The following ESR1 variants were observed in gnomAD, a reference collection of about 807,000 sequenced individuals.
The protein encoded by ESR1 is estrogen receptor 1.
A neutral mutation model predicts 52.7 loss-of-function variants in ESR1; 12 were observed. That is an observed-to-expected ratio of 0.23 (90% CI 0.15 to 0.37). The LOEUF is 0.37. Ranked by LOEUF, ESR1 falls within the 10% of genes least tolerant of loss-of-function variation. The probability of loss-of-function intolerance (pLI) is 1.00; values close to 1 mark genes in which losing one functional copy is unlikely to be tolerated. For synonymous variants in ESR1, 305 were observed against 316.8 expected (o/e 0.96, Z 0.39); for missense variants, 584 against 779.7 (o/e 0.75, Z 2.99).
chr6:151,743,905 A>C (rs1783288852), intron 2 of ESR1, among the ~76,000 whole-genome samples: 2 of 151,906 alleles, frequency 1.3e-5, no homozygotes, highest in East Asian at 3.9e-4. Flanking sequence ...CCCTACCTTT[A>C]GTCACTTCCC....
At chr6:151,830,852 T>C (rs1782291255) in intron 1 of ESR1, among the ~76,000 whole-genome samples, 1 of 152,210 alleles carries the variant, frequency 6.6e-6, no homozygotes, top group East Asian at 1.9e-4. Flanking sequence ...TTTTGAATGG[T>C]GAATGCTAAT....
chr6:151,849,178 C>T (rs1264756969), intron 2 of ESR1, among the ~76,000 whole-genome samples: 1 of 152,120 alleles, frequency 6.6e-6, no homozygotes, highest in Non-Finnish European at 1.5e-5. Context: ...ATGAAGTTTT[C>T]CTATTTATTC....
intron 3 of ESR1, among the ~76,000 whole-genome samples, chr6:151,908,233 C>T (rs1034255875): frequency 5.9e-5 from 9 of 152,124 alleles, no homozygotes; most frequent in Middle Eastern, 3.4e-3. Flanking sequence ...TCTTTCTTCA[C>T]GGAAATTCTT....
rs1417096100 is a variant in ESR1, at chr6:152,076,273, A to G, written c.1369+15149A>G. ...TCTGATGGTTTTATCAGGGGTTTCC[A>G]CTTTTATATCTTCCTCATTTTTTCT... On this transcript the variant is annotated intron_variant, in intron 6 of 7. Coordinates refer to ENST00000206249, the MANE Select transcript of ESR1 (RefSeq NM_000125.4). 3.3e-5 allele frequency among the ~76,000 whole-genome samples: 5 copies of G among 152,212 alleles called. No individual in the cohort carries two copies. The East Asian group carries it at 7.7e-4, about 24-fold the overall frequency.
chr6:151,882,627 T>G (rs1033837524), intron 3 of ESR1, among the ~76,000 whole-genome samples: 15 of 152,200 alleles, frequency 9.9e-5, no homozygotes, highest in African/African-American at 3.6e-4. Flanking sequence ...TTGGCGATTA[T>G]ATGTAGGTTA....
chr6:151,669,255 T>TGG (rs1291703914), intron 1 of ESR1, among the ~76,000 whole-genome samples: 7 of 97,668 alleles, frequency 7.2e-5, no homozygotes, highest in African/African-American at 2.5e-4. Flanking sequence ...CTGGGGTTGC[T>TGG]GGTTTCTGGA....
At chr6:152,039,101 G>T (rs1355727575) in intron 5 of ESR1, among the ~76,000 whole-genome samples, 1 of 152,166 alleles carries the variant, frequency 6.6e-6, no homozygotes, top group East Asian at 1.9e-4. Flanking sequence ...TCATCACATG[G>T]TCGTAGCTGT....
chr6:151,982,298 G>A (rs149256400), intron 4 of ESR1, among the ~76,000 whole-genome samples: 4 of 152,264 alleles, frequency 2.6e-5, no homozygotes, highest in Non-Finnish European at 4.4e-5. Context: ...TTTTAAAGGC[G>A]CTTATGTTTC....
intron 2 of ESR1, among the ~76,000 whole-genome samples, chr6:151,709,967 A>G (rs1437542274): frequency 6.6e-6 from 1 of 151,326 alleles, no homozygotes; most frequent in African/African-American, 2.4e-5. Flanking sequence ...ATTATTTTTA[A>G]TATTTAGTAT....
At chr6:151,956,911 C>T (rs2037052005) in intron 4 of ESR1, among the ~76,000 whole-genome samples, 1 of 147,114 alleles carries the variant, frequency 6.8e-6, no homozygotes, top group Non-Finnish European at 1.5e-5. Flanking sequence ...GAGTCTCACT[C>T]TGTTGCCCAG....
intron 3 of ESR1, among the ~76,000 whole-genome samples, chr6:151,930,750 CT>C (rs1488833919): frequency 1.3e-5 from 2 of 151,994 alleles, no homozygotes; most frequent in Non-Finnish European, 2.9e-5. Context: ...GAATTTTTGT[CT>C]GATTTTTTTT....
At chr6:151,694,759 C>T (rs1334453242) in intron 1 of ESR1, among the ~76,000 whole-genome samples, 2 of 151,488 alleles carry the variant, frequency 1.3e-5, no homozygotes, top group African/African-American at 4.9e-5. Flanking sequence ...TGAACTCCCA[C>T]CTGGGCAACA....
At chr6:151,766,216 A>G (rs1321509214) in intron 2 of ESR1, among the ~76,000 whole-genome samples, 4 of 152,214 alleles carry the variant, frequency 2.6e-5, no homozygotes, top group African/African-American at 9.6e-5. Context: ...ACATGAGACA[A>G]GGAACGAGGT....
At chr6:151,672,518 G>A (rs903132778) in intron 1 of ESR1, among the ~76,000 whole-genome samples, 3 of 151,312 alleles carry the variant, frequency 2.0e-5, no homozygotes, top group African/African-American at 7.3e-5. Context: ...TGTATTGTTA[G>A]CAGAGTCGGG....
At chr6:151,823,282 G>A (rs11753093) in intron 1 of ESR1, among the ~76,000 whole-genome samples, 2,914 of 152,226 alleles carry the variant, frequency 0.019, 35 homozygotes, top group Non-Finnish European at 0.033. Context: ...TACCAGGAAA[G>A]GAGGCATGCT....
At chr6:151,822,557 T>G (rs1583475194) in intron 1 of ESR1, among the ~76,000 whole-genome samples, 1 of 152,184 alleles carries the variant, frequency 6.6e-6, no homozygotes, top group Non-Finnish European at 1.5e-5. Context: ...TTTCTTCTCC[T>G]TGGGAGATGA....
In ESR1 at chr6:151,711,178, G is replaced by A. The variant is rs9478236; in HGVS notation, c.-71+9173G>A. 4.8e-3 allele frequency among the ~76,000 whole-genome samples: 732 copies of A among 151,670 alleles called. 4 individuals are homozygous for A. Among genetic ancestry groups the A allele is most frequent in the Admixed American group, 9.3e-3 (142 of 15,244 alleles). ...TTACACTCCCACCAACAGTGTAAAA[G>A]CATTCTTATTTCTCCACATCCTCCC... On this transcript the variant is annotated intron_variant, in intron 2 of 2. Transcript: ENST00000404742.
At chr6:151,788,861 C>T (rs1341489750) in intron 2 of ESR1, among the ~76,000 whole-genome samples, 1 of 152,176 alleles carries the variant, frequency 6.6e-6, no homozygotes, top group Non-Finnish European at 1.5e-5. Context: ...AACAGAAAAC[C>T]TAATACTGCA....
intron 4 of ESR1, among the ~76,000 whole-genome samples, chr6:151,977,955 A>AG (rs1562622783): frequency 2.9e-5 from 2 of 69,160 alleles, no homozygotes; most frequent in African/African-American, 1.2e-4. Context: ...CAGCAGGAAA[A>AG]AAAAAAAGAA....
Sources: allele counts gnomAD v4.1 joint callset (sites outside exome capture counted in the v4.1 genomes callset), GRCh38; gene constraint gnomAD v4.1.1; transcripts MANE v1.5; gene names NCBI Gene and HGNC (gene_info 2026-07-23, HGNC 2026-07-21).